PRDM9: variants seen among roughly 807,000 people sequenced by gnomAD.
The protein encoded by PRDM9 is histone-lysine N-methyltransferase PRDM9.
Under a neutral mutation model 55.6 loss-of-function variants are expected in PRDM9, and 47 were observed. The ratio of observed to expected loss-of-function variants is 0.85; its 90% CI spans 0.67 to 1.08. The LOEUF (loss-of-function observed/expected upper bound fraction) is 1.08. Among genes scored for constraint, PRDM9 ranks in the 50% least tolerant of loss-of-function variants. The pLI is 0.00. For missense variants in PRDM9, 867 were observed against 1,040.3 expected (o/e 0.83, Z 2.29); for synonymous variants, 312 against 375.7 (o/e 0.83, Z 1.96).
chr5:23,519,234 G>A (rs1183473366), intron 5 of PRDM9, among the ~76,000 whole-genome samples: 3 of 151,690 alleles, frequency 2.0e-5, no homozygotes, highest in South Asian at 2.1e-4. Flanking sequence ...TGATTTTTAC[G>A]TTTTTTGTAG....
At chr5:23,525,537 G>A (rs1368867050) in intron 10 of PRDM9, among the ~76,000 whole-genome samples, 1 of 152,180 alleles carries the variant, frequency 6.6e-6, no homozygotes, top group Non-Finnish European at 1.5e-5. Context: ...CCTAGTTGGG[G>A]TAGCAGGACC....
At chr5:23,518,065 T>C in intron 5 of PRDM9, 135 bp downstream of exon 5, 1 of 807,726 alleles carries the variant, frequency 1.2e-6, no homozygotes. Flanking sequence ...GTGTCTGACA[T>C]CATCATTATT....
Position 23,508,954 on chromosome 5 carries a change from C to G in PRDM9, c.-80C>G. On this transcript the variant is annotated 5_prime_UTR_variant, in exon 2 of 11. Coordinates refer to ENST00000296682, the MANE Select transcript of PRDM9 (RefSeq NM_020227.4). ...CAGCACCTTCTCCTTCCACAGGAGC[C>G]TTTGGCCTAGGAGCTGGGAGACTCA... 2.0e-6 allele frequency: 3 copies of G among 1,536,088 alleles called. No homozygotes were observed. The highest frequency in any genetic ancestry group is 2.7e-6 in the Non-Finnish European group (3 of 1,119,392).
intron 1 of PRDM9, among the ~76,000 whole-genome samples, chr5:23,508,700 C>T (rs1437243445): frequency 6.6e-6 from 1 of 152,170 alleles, no homozygotes; most frequent in African/African-American, 2.4e-5. Flanking sequence ...ACCTGTGCCA[C>T]CCTTCTCCAA....
chr5:23,519,777 C>T (rs958001941), intron 5 of PRDM9, among the ~76,000 whole-genome samples: 1 of 151,982 alleles, frequency 6.6e-6, no homozygotes, highest in Non-Finnish European at 1.5e-5. Context: ...GGGGCAGTGG[C>T]TTACACCTGT....
chr5:23,515,558 C>G (rs1035922631), intron 4 of PRDM9, among the ~76,000 whole-genome samples: 6 of 152,062 alleles, frequency 3.9e-5, no homozygotes, highest in Non-Finnish European at 5.9e-5. Context: ...ATTGCTTATG[C>G]TTTTGGTGTC....
intron 1 of PRDM9, 23 bp from the exon 2 acceptor site, chr5:23,508,927 C>A: frequency 7.3e-7 from 1 of 1,375,562 alleles, no homozygotes; most frequent in Non-Finnish European, 1.0e-6. Flanking sequence ...GTTGCCCCCT[C>A]TCAGCACCTT....
Position 23,517,736 on chromosome 5 carries a change from G to A in PRDM9, c.302-145G>A, listed in dbSNP as rs552625384. 1.9e-5 allele frequency: 15 copies of A among 770,286 alleles called. No homozygotes were observed. In the South Asian group the frequency reaches 2.2e-4, roughly 11 times the overall value. 47.7% of individuals were successfully genotyped at this position (770,286 alleles called of 1,614,324 possible). A position where few individuals can be genotyped will look rare whatever the true frequency, so the allele number is the denominator to read the frequency against. On this transcript the variant is annotated intron_variant, in intron 4 of 10. Transcript: ENST00000296682. Reference sequence around the variant, plus strand: ...CGGGAGAGGGAGGTTGCAGTGAGTGGAGATTGAGCCACTGCACTCCAGCCT... The same window carrying A: ...CGGGAGAGGGAGGTTGCAGTGAGTGAAGATTGAGCCACTGCACTCCAGCCT...
Position 23,526,923 on chromosome 5 carries a change from A to C in PRDM9, c.1835A>C (p.Glu612Ala). The C allele has an allele frequency of 6.3e-7, 1 of 1,597,108 alleles. No individual in the cohort carries two copies. Among genetic ancestry groups the C allele is most frequent in the South Asian group, 1.1e-5 (1 of 89,962 alleles). The part of the protein sequence containing the change: ...HTGEKPYVCR[E>A]CGRGFSRQSV... ...GGGGAGAAGCCCTATGTCTGCAGGGAGTGTGGGCGGGGCTTTAGCCGGCAG... is the reference window on the plus strand; with the variant it reads ...GGGGAGAAGCCCTATGTCTGCAGGGCGTGTGGGCGGGGCTTTAGCCGGCAG... Residue 612 changes from glutamate (E) to alanine (A), a missense_variant, in exon 11 of 11, where the codon GAG (glutamate) becomes GCG (alanine). This residue lies in a region of PRDM9 where 27 missense variants were observed against 50.0 expected (regional missense o/e 0.54). Transcript: ENST00000296682.
chr5:23,512,183 A>T (rs903859602), intron 4 of PRDM9, among the ~76,000 whole-genome samples: 3 of 152,150 alleles, frequency 2.0e-5, no homozygotes, highest in Non-Finnish European at 4.4e-5. Context: ...TCTTATACCA[A>T]AATGAATCTA....
At chr5:23,525,968 A>G (rs1173970572) in intron 10 of PRDM9, among the ~76,000 whole-genome samples, 1 of 152,160 alleles carries the variant, frequency 6.6e-6, no homozygotes, top group Non-Finnish European at 1.5e-5. Flanking sequence ...GTAAGGAATG[A>G]CACTGCCCTG....
intron 1 of PRDM9, among the ~76,000 whole-genome samples, chr5:23,507,944 G>T (rs1739017654): frequency 6.6e-6 from 1 of 151,986 alleles, no homozygotes; most frequent in East Asian, 1.9e-4. Flanking sequence ...AATATTCTGA[G>T]CCTGAGAAGC....
chr5:23,517,865 T>A lies in PRDM9; in HGVS notation c.302-16T>A. ...ACATTTACCAACCAAACCACTGATTTCTCATCACCTTTTAGTCAAACCTCC... is the reference window on the plus strand; with the variant it reads ...ACATTTACCAACCAAACCACTGATTACTCATCACCTTTTAGTCAAACCTCC... On this transcript the variant is annotated splice_polypyrimidine_tract_variant and intron_variant, in intron 4 of 10. Transcript: ENST00000296682. 3.2e-6 allele frequency: 5 copies of A among 1,572,294 alleles called. No individual in the cohort carries two copies. The highest frequency in any genetic ancestry group is 4.4e-6 in the Non-Finnish European group (5 of 1,141,926).
chr5:23,513,350 C>T (rs1739137951), intron 4 of PRDM9, among the ~76,000 whole-genome samples: 1 of 152,114 alleles, frequency 6.6e-6, no homozygotes, highest in African/African-American at 2.4e-5. Context: ...AATGATAGCT[C>T]CAACCTCATG....
Position 23,509,496 on chromosome 5 carries a change from C to T in PRDM9, c.96C>T (p.Ser32=), listed in dbSNP as rs1271610648. The part of the protein sequence containing the change: ...PMVKDAFKDI[S]IYFTKEEWAE... Reference sequence around the variant, plus strand: ...TCAAAGATGCCTTCAAAGACATTTCCATATACTTCACCAAGGAAGAATGGG... The same window carrying T: ...TCAAAGATGCCTTCAAAGACATTTCTATATACTTCACCAAGGAAGAATGGG... Residue 32 remains serine, a synonymous_variant, in exon 3 of 11, where the codon TCC becomes TCT. Coordinates refer to ENST00000296682, the MANE Select transcript of PRDM9 (RefSeq NM_020227.4). 1 of 1,614,104 alleles carries T rather than the reference C, an allele frequency of 6.2e-7. No homozygotes were observed. The highest frequency in any genetic ancestry group is 1.3e-5 in the African/African-American group (1 of 75,020).
At chr5:23,511,812 GT>G (rs941843742) in intron 4 of PRDM9, among the ~76,000 whole-genome samples, 10 of 152,050 alleles carry the variant, frequency 6.6e-5, no homozygotes, top group African/African-American at 1.7e-4. Flanking sequence ...GGCTTGGTTA[GT>G]TTTTTTGTAT....
At chr5:23,519,746 C>A (rs1483263032) in intron 5 of PRDM9, among the ~76,000 whole-genome samples, 2 of 151,378 alleles carry the variant, frequency 1.3e-5, no homozygotes, top group African/African-American at 4.8e-5. Context: ...ATGTTCACTA[C>A]AATATTAAGA....
At chr5:23,508,363 A>C (rs1239649228) in intron 1 of PRDM9, among the ~76,000 whole-genome samples, 1 of 151,796 alleles carries the variant, frequency 6.6e-6, no homozygotes, top group Non-Finnish European at 1.5e-5. Flanking sequence ...AGATACCCCA[A>C]ATTTCCTCAA....
At chr5:23,513,594 A>G (rs555081901) in intron 4 of PRDM9, among the ~76,000 whole-genome samples, 1 of 151,522 alleles carries the variant, frequency 6.6e-6, no homozygotes, top group South Asian at 2.1e-4. Context: ...TAAATTACCC[A>G]CTCTGGGCCA....
Sources: allele counts gnomAD v4.1 joint callset (sites outside exome capture counted in the v4.1 genomes callset), GRCh38; gene constraint gnomAD v4.1.1; regional missense constraint gnomAD v4.1.1; transcripts MANE v1.5; gene names NCBI Gene and HGNC (gene_info 2026-07-23, HGNC 2026-07-21).